NPAS3: variants seen among roughly 807,000 people sequenced by gnomAD.
NPAS3 encodes neuronal PAS domain-containing protein 3.
A neutral mutation model predicts 73.1 loss-of-function variants in NPAS3; 14 were observed. The observed-to-expected ratio is 0.19, with a 90% CI of 0.13 to 0.30. The LOEUF (loss-of-function observed/expected upper bound fraction) is 0.30. NPAS3 is among the 10% of genes least tolerant of loss of function. The pLI, the probability that NPAS3 is intolerant of heterozygous loss-of-function variation, is 1.00. For synonymous variants in NPAS3, 620 were observed against 541.5 expected (o/e 1.14, Z -2.01); for missense variants, 1,096 against 1,250.0 (o/e 0.88, Z 1.86).
At chr14:32,965,425 A>G (rs2037110429) in intron 1 of NPAS3, among the ~76,000 whole-genome samples, 1 of 152,194 alleles carries the variant, frequency 6.6e-6, no homozygotes, top group Non-Finnish European at 1.5e-5. Context: ...AATAAATTTG[A>G]CACATAACAT....
At chr14:33,381,635 A>G (rs2046558414) in intron 4 of NPAS3, among the ~76,000 whole-genome samples, 1 of 152,182 alleles carries the variant, frequency 6.6e-6, no homozygotes, top group South Asian at 2.1e-4. Context: ...CCTGAGGTGG[A>G]AGTGAGAGAG....
Position 33,089,605 on chromosome 14 carries a change from C to T in NPAS3, c.140+33611C>T, listed in dbSNP as rs535945450. Reference sequence around the variant, plus strand: ...ATATTATCCAGGAGAACTTCCCCAACCTAGCAGGCAGGCCAACATTCAAAT... The same window carrying T: ...ATATTATCCAGGAGAACTTCCCCAATCTAGCAGGCAGGCCAACATTCAAAT... On this transcript the variant is annotated intron_variant, in intron 2 of 11. Coordinates refer to ENST00000356141, the Ensembl canonical transcript of NPAS3. Among the ~76,000 whole-genome samples the T allele has an allele frequency of 3.4e-4, 52 of 152,282 alleles. 1 individual carries two copies. Among genetic ancestry groups the T allele is most frequent in the Admixed American group, 7.2e-4 (11 of 15,296 alleles).
chr14:33,701,909 G>T (rs1439596398), intron 6 of NPAS3, among the ~76,000 whole-genome samples: 1 of 152,182 alleles, frequency 6.6e-6, no homozygotes, highest in African/African-American at 2.4e-5. Context: ...ATAAGAAATG[G>T]TATCTGCCCT....
intron 4 of NPAS3, among the ~76,000 whole-genome samples, chr14:33,517,641 G>A (rs570966179): frequency 2.0e-5 from 3 of 152,096 alleles, no homozygotes; most frequent in South Asian, 4.1e-4. Context: ...ACAGCCTCTT[G>A]GTCCTGTCCT....
intron 2 of NPAS3, among the ~76,000 whole-genome samples, chr14:33,187,862 ACTT>A (rs1006170819): frequency 1.4e-4 from 21 of 152,292 alleles, no homozygotes; most frequent in Middle Eastern, 3.4e-3. Context: ...GGATGTTGTT[ACTT>A]CTTCTTGTTA....
intron 2 of NPAS3, among the ~76,000 whole-genome samples, chr14:33,203,413 A>T (rs34536853): frequency 0.25 from 37,576 of 151,956 alleles, 5,563 homozygotes; most frequent in Non-Finnish European, 0.35. Context: ...TACATGTGCC[A>T]TGTATACATT....
chr14:33,329,233 C>T (rs1017869016), intron 3 of NPAS3, among the ~76,000 whole-genome samples: 16 of 152,188 alleles, frequency 1.1e-4, no homozygotes, highest in Non-Finnish European at 2.4e-4. Flanking sequence ...AGCCCCACCC[C>T]ACCTGCCTCT....
At chr14:33,701,898 A>C (rs2060532618) in intron 6 of NPAS3, among the ~76,000 whole-genome samples, 1 of 152,248 alleles carries the variant, frequency 6.6e-6, no homozygotes, top group African/African-American at 2.4e-5. Flanking sequence ...TACAAAGATG[A>C]ATAAGAAATG....
chr14:33,492,769 C>G, intron 4 of NPAS3, among the ~76,000 whole-genome samples: 1 of 152,184 alleles, frequency 6.6e-6, no homozygotes, highest in East Asian at 1.9e-4. Flanking sequence ...ATTACTCACA[C>G]ACATCGATTG....
At chr14:33,534,576 A>G (rs922797053) in intron 4 of NPAS3, among the ~76,000 whole-genome samples, 2 of 152,328 alleles carry the variant, frequency 1.3e-5, no homozygotes, top group African/African-American at 2.4e-5. Context: ...GAAGTCCACA[A>G]TAGTATGTAG....
intron 3 of NPAS3, among the ~76,000 whole-genome samples, chr14:33,216,080 A>G (rs2139680798): frequency 6.6e-6 from 1 of 152,254 alleles, no homozygotes; most frequent in African/African-American, 2.4e-5. Flanking sequence ...CTAATAATTT[A>G]TGGCATTTTT....
chr14:33,579,434 C>T (rs1290496174), intron 5 of NPAS3, among the ~76,000 whole-genome samples: 8 of 152,122 alleles, frequency 5.3e-5, no homozygotes, highest in Non-Finnish European at 1.2e-4. Flanking sequence ...TTTCATATTT[C>T]AGTTCCTCAG....
intron 2 of NPAS3, among the ~76,000 whole-genome samples, chr14:33,095,658 T>C (rs12887480): frequency 4.7e-5 from 2 of 42,554 alleles, no homozygotes; most frequent in Non-Finnish European, 1.3e-4. Context: ...CATTCTCTGC[T>C]TTTATTTTTT....
intron 4 of NPAS3, among the ~76,000 whole-genome samples, chr14:33,528,520 C>G (rs1355111768): frequency 6.6e-6 from 1 of 152,036 alleles, no homozygotes. Flanking sequence ...CCTAATGTGT[C>G]TGCAGATTTG....
chr14:33,625,639 G>A (rs1038102011), intron 5 of NPAS3, among the ~76,000 whole-genome samples: 2 of 152,088 alleles, frequency 1.3e-5, no homozygotes, highest in South Asian at 2.1e-4. Flanking sequence ...TGAAATAAGC[G>A]GTTAGATATG....
intron 2 of NPAS3, among the ~76,000 whole-genome samples, chr14:33,123,503 G>A (rs1250291603): frequency 6.6e-6 from 1 of 152,108 alleles, no homozygotes; most frequent in Non-Finnish European, 1.5e-5. Context: ...GCTGAAGTGG[G>A]TGGGGGCAGG....
intron 2 of NPAS3, among the ~76,000 whole-genome samples, chr14:33,086,079 G>A (rs1003083609): frequency 6.6e-6 from 1 of 152,154 alleles, no homozygotes; most frequent in Non-Finnish European, 1.5e-5. Flanking sequence ...CACTCAGAAA[G>A]GCTGTAGATA....
intron 4 of NPAS3, among the ~76,000 whole-genome samples, chr14:33,523,178 A>G (rs1380649547): frequency 1.3e-5 from 2 of 152,256 alleles, no homozygotes; most frequent in Non-Finnish European, 1.5e-5. Flanking sequence ...TGGGATAGGT[A>G]CTGTACTTCA....
At chr14:33,250,541 C>T (rs1437042737) in intron 3 of NPAS3, among the ~76,000 whole-genome samples, 1 of 152,078 alleles carries the variant, frequency 6.6e-6, no homozygotes, top group East Asian at 1.9e-4. Context: ...CTGATGCTCG[C>T]ATTAAACTTG....
Sources: allele counts gnomAD v4.1 joint callset (sites outside exome capture counted in the v4.1 genomes callset), GRCh38; gene constraint gnomAD v4.1.1; transcripts MANE v1.5; gene names NCBI Gene and HGNC (gene_info 2026-07-23, HGNC 2026-07-21).